The following CLEC5A variants were observed in gnomAD, a reference collection of about 807,000 sequenced individuals.
CLEC5A encodes C-type lectin domain containing 5A, also known as C-type lectin domain family 5 member A.
A neutral mutation model predicts 24.4 loss-of-function variants in CLEC5A; 15 were observed. The ratio of observed to expected loss-of-function variants is 0.62; its 90% CI spans 0.41 to 0.95. The LOEUF (loss-of-function observed/expected upper bound fraction) is 0.95, where lower values mean the gene tolerates loss of function less well. CLEC5A is among the 40% of genes least tolerant of loss of function. The pLI, the probability that CLEC5A is intolerant of heterozygous loss-of-function variation, is 0.00. For synonymous variants in CLEC5A, 71 were observed against 72.6 expected (o/e 0.98, Z 0.11); for missense variants, 211 against 224.0 (o/e 0.94, Z 0.37).
rs1802377430 is a variant in CLEC5A, at chr7:141,929,079, G to C, written c.*1025C>G. The C allele has an allele frequency of 6.6e-6, 1 of 152,104 alleles. No individual in the cohort carries two copies. The highest frequency in any genetic ancestry group is 6.6e-5 in the Admixed American group (1 of 15,258). The allele number at this position is 152,104 out of a possible 1,614,324, so 9.4% of individuals were successfully genotyped here. A position where few individuals can be genotyped will look rare whatever the true frequency, so the allele number is the denominator to read the frequency against. On this transcript the variant is annotated 3_prime_UTR_variant, in exon 7 of 7. Transcript: ENST00000546910. The stretch of plus-strand genomic sequence containing the variant: ...CCCTGATGTTCCCTTTTTACTATGT[G>C]CTTATTCCGTGCCCCCAGCCAATGT...
intron 4 of CLEC5A, among the ~76,000 whole-genome samples, chr7:141,943,335 T>G (rs1802854518): frequency 6.6e-6 from 1 of 152,054 alleles, no homozygotes; most frequent in Non-Finnish European, 1.5e-5. Flanking sequence ...AAGACAAACT[T>G]CACATGTTTT....
At chr7:141,938,400 A>G (rs1802691735) in intron 4 of CLEC5A, among the ~76,000 whole-genome samples, 1 of 152,120 alleles carries the variant, frequency 6.6e-6, no homozygotes, top group Non-Finnish European at 1.5e-5. Context: ...ATCAGAGTAT[A>G]TTAATAACAG....
intron 4 of CLEC5A, among the ~76,000 whole-genome samples, chr7:141,940,914 T>G (rs1554441584): frequency 6.6e-6 from 1 of 151,840 alleles, no homozygotes; most frequent in African/African-American, 2.4e-5. Context: ...CAATAACAAG[T>G]AATGAGATGA....
At chr7:141,940,984 G>A (rs1379983694) in intron 4 of CLEC5A, among the ~76,000 whole-genome samples, 2 of 152,042 alleles carry the variant, frequency 1.3e-5, no homozygotes, top group African/African-American at 4.8e-5. Context: ...TTTCACTGCT[G>A]AATTCTGCCA....
chr7:141,934,590 T>C (rs1427444969), intron 5 of CLEC5A, among the ~76,000 whole-genome samples: 1 of 150,744 alleles, frequency 6.6e-6, no homozygotes, highest in Non-Finnish European at 1.5e-5. Context: ...ATTGCCATGA[T>C]GACCTTTGTC....
chr7:141,945,561 C>A (rs953996946), intron 2 of CLEC5A, among the ~76,000 whole-genome samples, 161 bp from the exon 3 acceptor site: 6 of 152,242 alleles, frequency 3.9e-5, no homozygotes, highest in Admixed American at 1.3e-4. Flanking sequence ...TTTGTGAATA[C>A]GTTCCCTTAT....
At chr7:141,945,755 G>A (rs930792619) in intron 2 of CLEC5A, 3 of 350,086 alleles carry the variant, frequency 8.6e-6, no homozygotes, top group African/African-American at 6.4e-5. Context: ...TTTCATAGGA[G>A]GCTTCTTTAA....
intron 4 of CLEC5A, among the ~76,000 whole-genome samples, chr7:141,939,564 G>A (rs1802724621): frequency 6.6e-6 from 1 of 151,934 alleles, no homozygotes; most frequent in Non-Finnish European, 1.5e-5. Context: ...TAACAAAATG[G>A]CAGAAGTAAG....
intron 4 of CLEC5A, 91 bp from the exon 5 acceptor site, chr7:141,936,041 CTT>C: frequency 1.8e-6 from 2 of 1,123,156 alleles, no homozygotes; most frequent in Non-Finnish European, 2.7e-6. Context: ...CATATTTTTG[CTT>C]TGTTTTAACA....
intron 1 of CLEC5A, among the ~76,000 whole-genome samples, 174 bp from the exon 2 acceptor site, chr7:141,946,486 C>T (rs1554442165): frequency 2.6e-5 from 4 of 152,192 alleles, no homozygotes; most frequent in Admixed American, 2.6e-4. Context: ...CAGAAAGAAT[C>T]ATGTATTGAT....
chr7:141,942,677 T>A (rs1802832278), intron 4 of CLEC5A, among the ~76,000 whole-genome samples: 1 of 151,954 alleles, frequency 6.6e-6, no homozygotes, highest in African/African-American at 2.4e-5. Flanking sequence ...AACCACCCAT[T>A]TGACAAGGTA....
rs1322054179 is a variant in CLEC5A at position 141,928,647 on chromosome 7, C to T, written c.*1457G>A. ...CTCATGTTAAAAAATTGTAAGTGGC[C>T]ATGCTAAGGAGCCAAAAATGATGAA... On this transcript the variant is annotated 3_prime_UTR_variant, in exon 7 of 7. Transcript: ENST00000546910. 6.6e-6 allele frequency: 1 copy of T among 152,066 alleles called. No homozygotes were observed. Among genetic ancestry groups the T allele is most frequent in the East Asian group, 1.9e-4 (1 of 5,184 alleles). The allele number at this position is 152,066 out of a possible 1,614,324, so 9.4% of individuals were successfully genotyped here. A position where few individuals can be genotyped will look rare whatever the true frequency, so the allele number is the denominator to read the frequency against.
chr7:141,928,334 A>C lies in CLEC5A; in HGVS notation c.*1770T>G, dbSNP rs1802358764. The C allele has an allele frequency of 6.6e-6, 1 of 152,634 alleles. No homozygotes were observed. The highest frequency in any genetic ancestry group is 6.5e-5 in the Admixed American group (1 of 15,282). The allele number at this position is 152,634 out of a possible 1,614,324, so 9.5% of individuals were successfully genotyped here. A position where few individuals can be genotyped will look rare whatever the true frequency, so the allele number is the denominator to read the frequency against. ...GTTTGCAGTTATTCTGTCATGAAATAGGAAGTGAAGCAACTACAGTTCTCT... is the reference window on the plus strand; with the variant it reads ...GTTTGCAGTTATTCTGTCATGAAATCGGAAGTGAAGCAACTACAGTTCTCT... On this transcript the variant is annotated 3_prime_UTR_variant, in exon 7 of 7. Coordinates refer to ENST00000546910, the MANE Select transcript of CLEC5A (RefSeq NM_013252.3).
At chr7:141,932,529 C>T (rs2128960448) in intron 5 of CLEC5A, among the ~76,000 whole-genome samples, 1 of 152,338 alleles carries the variant, frequency 6.6e-6, no homozygotes, top group African/African-American at 2.4e-5. Flanking sequence ...TTTCCATCCC[C>T]ATGGCTATTT....
rs374819304 is a variant in CLEC5A, at chr7:141,945,654, C to T, written c.80-254G>A. On this transcript the variant is annotated intron_variant, in intron 2 of 6. Transcript: ENST00000546910. Reference sequence around the variant, plus strand: ...GAGGAAGACACCTCTTAGCTAACTACTGCCTCCCACTCACGTTTCCTTCCT... The same window carrying T: ...GAGGAAGACACCTCTTAGCTAACTATTGCCTCCCACTCACGTTTCCTTCCT... 4.7e-4 allele frequency among the ~76,000 whole-genome samples: 72 copies of T among 152,356 alleles called. 1 individual carries two copies. In the South Asian group the frequency reaches 0.013, roughly 28 times the overall value.
chr7:141,933,708 G>A (rs1004881999), intron 5 of CLEC5A, among the ~76,000 whole-genome samples: 6 of 151,214 alleles, frequency 4.0e-5, no homozygotes, highest in Non-Finnish European at 7.4e-5. Flanking sequence ...TGCTGTGCAC[G>A]CAACTTGGCT....
chr7:141,934,061 C>CT (rs1802545683), intron 5 of CLEC5A, among the ~76,000 whole-genome samples: 1 of 152,214 alleles, frequency 6.6e-6, no homozygotes, highest in African/African-American at 2.4e-5. Flanking sequence ...CCCCTAGGAC[C>CT]TTAGCATGGG....
chr7:141,937,926 G>A (rs1233461684), intron 4 of CLEC5A, among the ~76,000 whole-genome samples: 3 of 152,234 alleles, frequency 2.0e-5, no homozygotes, highest in Non-Finnish European at 4.4e-5. Flanking sequence ...AGACCAACCA[G>A]GTGGGTACCT....
At chr7:141,946,521 G>C (rs1802963512) in intron 1 of CLEC5A, among the ~76,000 whole-genome samples, 1 of 152,178 alleles carries the variant, frequency 6.6e-6, no homozygotes, top group African/African-American at 2.4e-5. Flanking sequence ...TTGGCATACT[G>C]CCTCTCCTTC....
Sources: allele counts gnomAD v4.1 joint callset (sites outside exome capture counted in the v4.1 genomes callset), GRCh38; gene constraint gnomAD v4.1.1; transcripts MANE v1.5; gene names NCBI Gene and HGNC (gene_info 2026-07-23, HGNC 2026-07-21).